ITGA2: variants seen among roughly 807,000 people sequenced by gnomAD.
ITGA2 encodes the protein integrin alpha-2.
ITGA2 carries 101 observed loss-of-function variants against 146.3 expected under a neutral mutation model. That is an observed-to-expected ratio of 0.69 (90% CI 0.59 to 0.81). The LOEUF is 0.81. Among genes scored for constraint, ITGA2 ranks in the 40% least tolerant of loss-of-function variants. The probability of loss-of-function intolerance (pLI) is 0.00; values close to 1 mark genes in which losing one functional copy is unlikely to be tolerated. For missense variants in ITGA2, 1,281 were observed against 1,402.7 expected, an observed-to-expected ratio of 0.91 and a Z score of 1.39; for synonymous variants, 477 against 487.1, an observed-to-expected ratio of 0.98 and a Z score of 0.27.
At chr5:53,013,188 A>C (rs1002163445) in intron 1 of ITGA2, among the ~76,000 whole-genome samples, 1 of 151,996 alleles carries the variant, frequency 6.6e-6, no homozygotes, top group African/African-American at 2.4e-5. Context: ...CAATGTTCGG[A>C]ATGGTATTTC....
intron 28 of ITGA2, among the ~76,000 whole-genome samples, chr5:53,088,733 G>C (rs1385866467): frequency 6.9e-6 from 1 of 145,006 alleles, no homozygotes; most frequent in Non-Finnish European, 1.5e-5. Flanking sequence ...TAATGGCAAA[G>C]ACTGCAATTA....
intron 18 of ITGA2, 148 bp downstream of exon 18, chr5:53,072,196 C>T (rs1745430714): frequency 2.9e-6 from 2 of 692,714 alleles, no homozygotes; most frequent in African/African-American, 1.8e-5. Flanking sequence ...AGTTCACTAA[C>T]ACTTAAGTTC....
chr5:53,067,905 C>T (rs1371300951), intron 16 of ITGA2, among the ~76,000 whole-genome samples: 1 of 151,866 alleles, frequency 6.6e-6, no homozygotes, highest in Non-Finnish European at 1.5e-5. Context: ...GTCCTGCCTC[C>T]TCTTCAAAGC....
At chr5:53,031,074 C>T (rs977186565) in intron 2 of ITGA2, among the ~76,000 whole-genome samples, 1 of 152,192 alleles carries the variant, frequency 6.6e-6, no homozygotes, top group Non-Finnish European at 1.5e-5. Flanking sequence ...AACTTGGAAC[C>T]CAGAATTGCC....
In ITGA2 at chr5:53,080,508, T is replaced by C. The variant is rs372625380; in HGVS notation, c.2929-3T>C. 5 of 1,609,636 alleles carry C rather than the reference T, an allele frequency of 3.1e-6. No individual in the cohort carries two copies. The highest frequency in any genetic ancestry group is 2.7e-5 in the African/African-American group (2 of 74,774). Reference sequence around the variant, plus strand: ...GTACTGGCACATTTTATTCTCTACATAGGTAACAACAGGAAGTGTTCCAGT... The same window carrying C: ...GTACTGGCACATTTTATTCTCTACACAGGTAACAACAGGAAGTGTTCCAGT... On this transcript the variant is annotated splice_region_variant and splice_polypyrimidine_tract_variant and intron_variant, in intron 24 of 29. Coordinates refer to ENST00000296585, the MANE Select transcript of ITGA2 (RefSeq NM_002203.4).
At chr5:53,067,770 A>T (rs149633750) in intron 16 of ITGA2, among the ~76,000 whole-genome samples, 83 of 152,078 alleles carry the variant, frequency 5.5e-4, no homozygotes, top group Non-Finnish European at 3.5e-4. Flanking sequence ...CAGAGAAATG[A>T]GTAAAAGTCT....
At chr5:53,009,252 C>T (rs578129809) in intron 1 of ITGA2, among the ~76,000 whole-genome samples, 214 of 152,180 alleles carry the variant, frequency 1.4e-3, no homozygotes, top group Admixed American at 4.2e-3. Context: ...TGGTAGTCTC[C>T]CCCAAATATG....
intron 21 of ITGA2, 145 bp downstream of exon 21, chr5:53,074,622 A>C: frequency 1.4e-6 from 1 of 711,922 alleles, no homozygotes; most frequent in Non-Finnish European, 2.6e-6. Context: ...CAATATCTAA[A>C]TGTTTTCTTT....
chr5:53,027,265 A>T (rs1385143579), intron 2 of ITGA2, among the ~76,000 whole-genome samples: 1 of 152,226 alleles, frequency 6.6e-6, no homozygotes, highest in African/African-American at 2.4e-5. Flanking sequence ...TAAATGGTAG[A>T]ATTGTTTCCT....
At chr5:53,011,708 T>C (rs1222899027) in intron 1 of ITGA2, among the ~76,000 whole-genome samples, 1 of 151,732 alleles carries the variant, frequency 6.6e-6, no homozygotes, top group Non-Finnish European at 1.5e-5. Context: ...CTTTGAGAGA[T>C]TCATTGTAGT....
chr5:53,042,253 T>C, intron 3 of ITGA2, 32 bp downstream of exon 3: 1 of 1,260,436 alleles, frequency 7.9e-7, no homozygotes. Flanking sequence ...AGGCATGTGA[T>C]TTGTCTTAGA....
chr5:53,066,581 T>C (rs1211898598), intron 15 of ITGA2, among the ~76,000 whole-genome samples: 1 of 151,874 alleles, frequency 6.6e-6, no homozygotes, highest in African/African-American at 2.4e-5. Context: ...CATTCATTTG[T>C]CTCTGTCAAA....
At chr5:53,025,660 T>C (rs41308240) in intron 1 of ITGA2, among the ~76,000 whole-genome samples, 2,063 of 152,322 alleles carry the variant, frequency 0.014, 26 homozygotes, top group Non-Finnish European at 0.022. Context: ...AATAGACATA[T>C]GAAATACCAT....
At chr5:53,001,619 G>A (rs953796799) in intron 1 of ITGA2, among the ~76,000 whole-genome samples, 4 of 152,132 alleles carry the variant, frequency 2.6e-5, no homozygotes, top group Admixed American at 1.3e-4. Context: ...AGGATTGTTT[G>A]AGGCCAGGAA....
intron 20 of ITGA2, among the ~76,000 whole-genome samples, chr5:53,073,515 T>C (rs1290041514): frequency 6.6e-6 from 1 of 151,930 alleles, no homozygotes; most frequent in Non-Finnish European, 1.5e-5. Flanking sequence ...ATAACTCTTC[T>C]TGAGCTATCA....
At chr5:53,020,848 A>T (rs1489645199) in intron 1 of ITGA2, among the ~76,000 whole-genome samples, 12 of 133,400 alleles carry the variant, frequency 9.0e-5, no homozygotes, top group African/African-American at 2.7e-4. Context: ...TGTCCGGCTA[A>T]TTTTTTTTTT....
chr5:53,072,115 T>C, intron 18 of ITGA2, 67 bp downstream of exon 18: 1 of 1,102,050 alleles, frequency 9.1e-7, no homozygotes, highest in East Asian at 2.4e-5. Context: ...TGCAATAGTG[T>C]CTGAAGGATG....
chr5:53,058,055 T>C lies in ITGA2; in HGVS notation c.1127T>C (p.Met376Thr). 6.2e-7 allele frequency: 1 copy of C among 1,611,808 alleles called. No homozygotes were observed. The highest frequency in any genetic ancestry group is 8.5e-7 in the Non-Finnish European group (1 of 1,178,458). ...GTVQGGDNFQMEMSQVGFSAD... is the reference protein window; with the variant it reads ...GTVQGGDNFQTEMSQVGFSAD... Reference sequence around the variant, plus strand: ...GTTCAAGGAGGAGACAACTTTCAGATGGAAATGTCACAAGTGGGATTCAGT... The same window carrying C: ...GTTCAAGGAGGAGACAACTTTCAGACGGAAATGTCACAAGTGGGATTCAGT... The change falls in exon 10 of 30, where the codon ATG becomes ACG. Residue 376 changes from methionine (M) to threonine (T), a missense_variant. Met to Thr is a moderately conservative substitution (Grantham distance 81). Coordinates refer to ENST00000296585, the MANE Select transcript of ITGA2 (RefSeq NM_002203.4).
At chr5:53,037,335 A>G (rs546167029) in intron 2 of ITGA2, among the ~76,000 whole-genome samples, 1 of 152,376 alleles carries the variant, frequency 6.6e-6, no homozygotes, top group African/African-American at 2.4e-5. Context: ...TTTGAGAATC[A>G]GCACACATGC....
Sources: allele counts gnomAD v4.1 joint callset (sites outside exome capture counted in the v4.1 genomes callset), GRCh38; gene constraint gnomAD v4.1.1; transcripts MANE v1.5; gene names NCBI Gene and HGNC (gene_info 2026-07-23, HGNC 2026-07-21).